ANKS1B: variants seen among roughly 807,000 people sequenced by gnomAD.
ANKS1B encodes the protein ankyrin repeat and sterile alpha motif domain containing 1B.
A neutral mutation model predicts 148.3 loss-of-function variants in ANKS1B; 36 were observed. The ratio of observed to expected loss-of-function variants is 0.24; its 90% CI spans 0.19 to 0.32. ANKS1B has a LOEUF of 0.32. ANKS1B is among the 10% of genes least tolerant of loss of function. ANKS1B has a pLI of 1.00. For synonymous variants in ANKS1B, 542 were observed against 560.8 expected (o/e 0.97, Z 0.47); for missense variants, 1,157 against 1,542.6 (o/e 0.75, Z 4.19).
chr12:99,714,310 T>G (rs1189172846), intron 8 of ANKS1B, among the ~76,000 whole-genome samples: 1 of 152,198 alleles, frequency 6.6e-6, no homozygotes, highest in Non-Finnish European at 1.5e-5. Context: ...TCCAGGATAA[T>G]CTCAAGAACA....
chr12:99,642,260 T>C lies in ANKS1B; in HGVS notation c.1272+12807A>G, dbSNP rs566541345. ...AATGCATTTTTCTGTAAAATAAATA[T>C]ATGTCCCATCTTCTGCCTAGATGCA... On this transcript the variant is annotated intron_variant, in intron 9 of 26. Transcript: ENST00000683438. 3.3e-5 allele frequency among the ~76,000 whole-genome samples: 5 copies of C among 152,322 alleles called. No homozygotes were observed. The South Asian group carries it at 6.2e-4, about 19-fold the overall frequency.
intron 12 of ANKS1B, among the ~76,000 whole-genome samples, chr12:99,274,363 CAAG>C (rs771165050): frequency 7.2e-5 from 11 of 152,224 alleles, no homozygotes; most frequent in African/African-American, 1.7e-4. Context: ...TGTCATCTAA[CAAG>C]AAGAAGACAG....
chr12:99,935,101 C>T (rs552143231), intron 1 of ANKS1B, among the ~76,000 whole-genome samples: 29 of 152,094 alleles, frequency 1.9e-4, no homozygotes, highest in South Asian at 6.2e-4. Context: ...CAAAGTTAAA[C>T]GTAAGAGATA....
At chr12:99,800,011 T>G (rs913327490) in intron 4 of ANKS1B, among the ~76,000 whole-genome samples, 1 of 152,130 alleles carries the variant, frequency 6.6e-6, no homozygotes, top group Non-Finnish European at 1.5e-5. Flanking sequence ...TTCTGGCTGT[T>G]TGACTGAAAA....
intron 1 of ANKS1B, among the ~76,000 whole-genome samples, chr12:99,827,693 T>A (rs2083386538): frequency 6.6e-6 from 1 of 152,202 alleles, no homozygotes; most frequent in Non-Finnish European, 1.5e-5. Context: ...CACAATGACA[T>A]GCTACTATAT....
chr12:99,208,121 T>C (rs965520061), intron 14 of ANKS1B, among the ~76,000 whole-genome samples: 1 of 152,120 alleles, frequency 6.6e-6, no homozygotes, highest in Non-Finnish European at 1.5e-5. Context: ...GTAACTTGCC[T>C]AGAAAGCAAA....
At chr12:99,191,915 C>T (rs1208474957) in intron 14 of ANKS1B, among the ~76,000 whole-genome samples, 1 of 151,958 alleles carries the variant, frequency 6.6e-6, no homozygotes, top group African/African-American at 2.4e-5. Flanking sequence ...GGGCAGATCA[C>T]GAGGTCAGGA....
intron 14 of ANKS1B, among the ~76,000 whole-genome samples, chr12:99,222,611 G>A (rs1162852186): frequency 6.6e-6 from 1 of 152,060 alleles, no homozygotes; most frequent in Non-Finnish European, 1.5e-5. Flanking sequence ...GCGAGACCCT[G>A]TCTCAAAAAC....
At chr12:99,359,593 G>T (rs2152423946) in intron 12 of ANKS1B, among the ~76,000 whole-genome samples, 1 of 152,136 alleles carries the variant, frequency 6.6e-6, no homozygotes, top group Non-Finnish European at 1.5e-5. Flanking sequence ...TTAAATGAAT[G>T]ATTTCCATAT....
intron 10 of ANKS1B, among the ~76,000 whole-genome samples, chr12:99,458,396 G>GA (rs1191834227): frequency 7.5e-6 from 1 of 133,630 alleles, no homozygotes; most frequent in Non-Finnish European, 1.6e-5. Flanking sequence ...AAATCTAGAA[G>GA]AAAAAAAGAA....
chr12:98,784,696 C>T (rs564501493), intron 22 of ANKS1B, among the ~76,000 whole-genome samples: 108 of 152,290 alleles, frequency 7.1e-4, no homozygotes, highest in African/African-American at 2.5e-3. Flanking sequence ...CTTGAGCTGA[C>T]ATGAAGGCAT....
chr12:98,777,823 G>C (rs944833152), intron 24 of ANKS1B, among the ~76,000 whole-genome samples: 1 of 152,174 alleles, frequency 6.6e-6, no homozygotes, highest in African/African-American at 2.4e-5. Context: ...GGAAAGAAAT[G>C]CTTCACGGAG....
At chr12:99,236,322 T>C (rs1183093937) in intron 14 of ANKS1B, among the ~76,000 whole-genome samples, 1 of 152,174 alleles carries the variant, frequency 6.6e-6, no homozygotes, top group African/African-American at 2.4e-5. Flanking sequence ...TACCTGAGAC[T>C]GGGTTATTTA....
chr12:99,753,355 C>T (rs10745868), intron 8 of ANKS1B, among the ~76,000 whole-genome samples: 66,417 of 151,858 alleles, frequency 0.44, 14,926 homozygotes, highest in South Asian at 0.61. Context: ...ATAAGCTATA[C>T]TGGTGGCAGG....
chr12:99,345,496 A>G (rs749472749), intron 12 of ANKS1B, among the ~76,000 whole-genome samples: 8 of 152,062 alleles, frequency 5.3e-5, no homozygotes, highest in Non-Finnish European at 1.2e-4. Context: ...ACAGAAGAAT[A>G]TAAATATTCT....
intron 10 of ANKS1B, among the ~76,000 whole-genome samples, chr12:99,497,520 T>C (rs1395626282): frequency 6.6e-6 from 1 of 152,156 alleles, no homozygotes; most frequent in Non-Finnish European, 1.5e-5. Context: ...CCAGGCCTCC[T>C]TGGTTTGCGA....
intron 1 of ANKS1B, among the ~76,000 whole-genome samples, chr12:99,921,912 A>G (rs899002416): frequency 6.6e-6 from 1 of 152,162 alleles, no homozygotes; most frequent in African/African-American, 2.4e-5. Flanking sequence ...GACAAGTATA[A>G]TTACAGCAAG....
chr12:99,876,904 A>G (rs1186759834), intron 1 of ANKS1B, among the ~76,000 whole-genome samples: 1 of 152,224 alleles, frequency 6.6e-6, no homozygotes, highest in South Asian at 2.1e-4. Context: ...CTCGAAACAC[A>G]GCAGTCCTGT....
In ANKS1B at chr12:99,791,835, T is replaced by C. The variant is rs946959271; in HGVS notation, c.670-9738A>G. On this transcript the variant is annotated intron_variant, in intron 4 of 26. Coordinates refer to ENST00000683438, the MANE Select transcript of ANKS1B (RefSeq NM_001352186.2). The stretch of plus-strand genomic sequence containing the variant: ...TTAAAATAAATAATCTAATGATGCA[T>C]CTTAAAGAATTTAAAAAGCAAGAGC... 6.9e-5 allele frequency among the ~76,000 whole-genome samples: 3 copies of C among 43,308 alleles called. No individual in the cohort carries two copies. In the Admixed American group the frequency reaches 7.8e-4, roughly 11 times the overall value. 28.4% of individuals were successfully genotyped at this position (43,308 alleles called of 152,430 possible).
Sources: allele counts gnomAD v4.1 joint callset (sites outside exome capture counted in the v4.1 genomes callset), GRCh38; gene constraint gnomAD v4.1.1; transcripts MANE v1.5; gene names NCBI Gene and HGNC (gene_info 2026-07-23, HGNC 2026-07-21).